Variants in CADM2 observed in about 807,000 individuals in gnomAD.
CADM2 encodes immunoglobulin superfamily member 4D.
A neutral mutation model predicts 49.8 loss-of-function variants in CADM2; 12 were observed. That is an observed-to-expected ratio of 0.24 (90% confidence interval 0.15 to 0.39). CADM2 has a LOEUF of 0.39. Among genes scored for constraint, CADM2 ranks in the 10% least tolerant of loss-of-function variants. The probability of loss-of-function intolerance (pLI) is 1.00; values close to 1 mark genes in which losing one functional copy is unlikely to be tolerated. For synonymous variants in CADM2, 214 were observed against 175.4 expected (o/e 1.22, Z -1.74); for missense variants, 378 against 492.3 (o/e 0.77, Z 2.20).
chr3:85,759,901 C>A (rs1449431238), intron 2 of CADM2, among the ~76,000 whole-genome samples: 1 of 152,052 alleles, frequency 6.6e-6, no homozygotes, highest in Non-Finnish European at 1.5e-5. Context: ...TCTCCAAATT[C>A]TACTATAAAT....
At chr3:85,430,463 A>G (rs2036607349) in intron 1 of CADM2, among the ~76,000 whole-genome samples, 1 of 152,010 alleles carries the variant, frequency 6.6e-6, no homozygotes, top group Non-Finnish European at 1.5e-5. Flanking sequence ...GGTTACAGTG[A>G]TCCATGATTG....
chr3:85,157,543 A>G (rs905819664), intron 1 of CADM2, among the ~76,000 whole-genome samples: 22 of 152,136 alleles, frequency 1.4e-4, no homozygotes, highest in Non-Finnish European at 2.2e-4. Flanking sequence ...CCGCATATCT[A>G]CAACTATCTG....
intron 1 of CADM2, among the ~76,000 whole-genome samples, chr3:85,450,636 C>G (rs13075857): frequency 0.77 from 117,516 of 151,880 alleles, 47,641 homozygotes; most frequent in East Asian, 0.95. Flanking sequence ...GTATTTTGCT[C>G]CTGTGAAATC....
At chr3:85,039,151 G>T (rs61493023) in intron 1 of CADM2, among the ~76,000 whole-genome samples, 1 of 151,990 alleles carries the variant, frequency 6.6e-6, no homozygotes, top group Non-Finnish European at 1.5e-5. Context: ...AGAGGTACCC[G>T]CAACCACACC....
At chr3:85,643,221 C>T (rs1255549428) in intron 1 of CADM2, among the ~76,000 whole-genome samples, 2 of 152,094 alleles carry the variant, frequency 1.3e-5, no homozygotes, top group East Asian at 3.9e-4. Flanking sequence ...TTAACATGGG[C>T]TGCTTTACAA....
At chr3:85,715,502 T>C (rs1306109655) in intron 1 of CADM2, among the ~76,000 whole-genome samples, 1 of 152,122 alleles carries the variant, frequency 6.6e-6, no homozygotes, top group Admixed American at 6.5e-5. Context: ...GTTTTTTGAA[T>C]TTTTTGTTTG....
At chr3:85,189,540 T>G (rs2041152893) in intron 1 of CADM2, among the ~76,000 whole-genome samples, 1 of 152,202 alleles carries the variant, frequency 6.6e-6, no homozygotes, top group Middle Eastern at 3.2e-3. Context: ...AAACAAATGA[T>G]GTAAAACAAC....
At chr3:85,304,982 G>T (rs540467912) in intron 1 of CADM2, among the ~76,000 whole-genome samples, 19 of 151,694 alleles carry the variant, frequency 1.3e-4, no homozygotes, top group Non-Finnish European at 8.9e-5. Flanking sequence ...ACAAATTATT[G>T]TAGCTATTGA....
chr3:85,042,637 G>A (rs1001744657), intron 1 of CADM2, among the ~76,000 whole-genome samples: 8 of 152,106 alleles, frequency 5.3e-5, no homozygotes, highest in African/African-American at 1.4e-4. Context: ...AAAATAAATA[G>A]CATTGAAAGT....
intron 2 of CADM2, among the ~76,000 whole-genome samples, chr3:85,778,561 A>C (rs770345023): frequency 1.3e-5 from 2 of 152,058 alleles, no homozygotes; most frequent in Non-Finnish European, 2.9e-5. Flanking sequence ...CCACTCTGTG[A>C]AGAAGGTTTC....
At chr3:85,390,735 A>G (rs2034479465) in intron 1 of CADM2, among the ~76,000 whole-genome samples, 1 of 152,106 alleles carries the variant, frequency 6.6e-6, no homozygotes. Flanking sequence ...TCTCTGCTCT[A>G]CTGCCTACTC....
At chr3:85,983,874 A>T (rs1727766981) in intron 8 of CADM2, among the ~76,000 whole-genome samples, 1 of 151,454 alleles carries the variant, frequency 6.6e-6, no homozygotes, top group Non-Finnish European at 1.5e-5. Flanking sequence ...AACAGTTCAT[A>T]TACTTTTCAT....
At chr3:85,663,693 A>G (rs1167471111) in intron 1 of CADM2, among the ~76,000 whole-genome samples, 1 of 151,992 alleles carries the variant, frequency 6.6e-6, no homozygotes, top group Non-Finnish European at 1.5e-5. Flanking sequence ...GATGTTTTCA[A>G]CTTCCCACAG....
At chr3:85,430,723 TAGA>T (rs910430824) in intron 1 of CADM2, among the ~76,000 whole-genome samples, 3 of 151,896 alleles carry the variant, frequency 2.0e-5, no homozygotes, top group Non-Finnish European at 4.4e-5. Context: ...AGATAGTAAC[TAGA>T]AGAAGACAGA....
At position 85,097,021 on chromosome 3, in the gene CADM2, T is replaced by G. The variant is rs140839894; in HGVS notation, c.61+137353T>G. 1.4e-4 allele frequency among the ~76,000 whole-genome samples: 21 copies of G among 152,256 alleles called. No homozygotes were observed. The East Asian group carries it at 3.9e-3, about 28-fold the overall frequency. ...GATTTTTTTTATTATTATTATACTT[T>G]AAGTTTTAGGATACATGTGCACAAT... On this transcript the variant is annotated intron_variant, in intron 1 of 9. Coordinates refer to ENST00000383699, the MANE Select transcript of CADM2 (RefSeq NM_001167675.2).
intron 3 of CADM2, among the ~76,000 whole-genome samples, chr3:85,855,462 A>G (rs11929138): frequency 0.036 from 5,513 of 151,714 alleles, 312 homozygotes; most frequent in African/African-American, 0.13. Flanking sequence ...TAGATTTTCA[A>G]TCTTCCCTTT....
chr3:85,801,233 G>T (rs548706280), intron 2 of CADM2, among the ~76,000 whole-genome samples: 1 of 147,686 alleles, frequency 6.8e-6, no homozygotes, highest in South Asian at 2.1e-4. Context: ...TTTATTACAT[G>T]AATTACTTTA....
chr3:85,628,527 A>G (rs912505577), intron 1 of CADM2, among the ~76,000 whole-genome samples: 7 of 149,292 alleles, frequency 4.7e-5, no homozygotes. Context: ...ATATATATAC[A>G]CACATATATA....
At chr3:85,212,868 T>TCTCTCTCTCTC (rs1194802348) in intron 1 of CADM2, among the ~76,000 whole-genome samples, 2 of 97,908 alleles carry the variant, frequency 2.0e-5, no homozygotes, top group Non-Finnish European at 4.7e-5. Flanking sequence ...CTTTCTTTCT[T>TCTCTCTCTCTC]TCTTTCTTTC....
Sources: gnomAD v4.1 joint callset for allele counts (sites outside exome capture counted in the v4.1 genomes callset) on GRCh38, gnomAD v4.1.1 for gene constraint, MANE v1.5 for transcripts, NCBI Gene and HGNC (gene_info 2026-07-23, HGNC 2026-07-21) for gene names.